POLR1A: variants seen among roughly 807,000 people sequenced by gnomAD.
The protein encoded by POLR1A is RNA polymerase I subunit A.
POLR1A carries 84 observed loss-of-function variants against 205.3 expected under a neutral mutation model. That is an observed-to-expected ratio of 0.41 (90% CI 0.34 to 0.49). The LOEUF (loss-of-function observed/expected upper bound fraction) is 0.49, where lower values mean the gene tolerates loss of function less well. Among genes scored for constraint, POLR1A ranks in the 20% least tolerant of loss-of-function variants. POLR1A has a pLI of 0.22. For synonymous variants in POLR1A, 799 were observed against 863.7 expected (o/e 0.93, Z 1.31); for missense variants, 1,645 against 2,204.5 (o/e 0.75, Z 5.08).
At chr2:86,079,531 C>T (rs2104420771) in intron 9 of POLR1A, among the ~76,000 whole-genome samples, 1 of 152,158 alleles carries the variant, frequency 6.6e-6, no homozygotes. Context: ...AGAGGCGAAG[C>T]ATTTGTTTGA....
At chr2:86,043,286 TCAGGGGACC>T (rs1672651389) in intron 22 of POLR1A, 91 bp from the exon 23 acceptor site, 1 of 1,061,066 alleles carries the variant, frequency 9.4e-7, no homozygotes, top group Non-Finnish European at 1.4e-6. Flanking sequence ...GAGCACAAAT[TCAGGGGACC>T]CAGGTGGCTG....
intron 3 of POLR1A, among the ~76,000 whole-genome samples, 199 bp from the exon 4 acceptor site, chr2:86,090,128 TC>T (rs1385296996): frequency 4.6e-5 from 7 of 152,168 alleles, no homozygotes; most frequent in Middle Eastern, 3.4e-3. Flanking sequence ...GCGTGGTGGC[TC>T]ACACCTGTAA....
chr2:86,043,079 C>G lies in POLR1A; in HGVS notation c.3252G>C (p.Leu1084=). 2 of 1,614,180 alleles carry G rather than the reference C, an allele frequency of 1.2e-6. No homozygotes were observed. Among genetic ancestry groups the G allele is most frequent in the Non-Finnish European group, 1.7e-6 (2 of 1,180,026 alleles). ...KWQSKHPNTL[L]RRGAFLSYSQ... ...AATAACTCAAGAAGGCGCCTCTTCT[C>G]AGCAGGGTGTTGGGGTGCTTGCTTT... Residue 1084 remains leucine, a synonymous_variant, in exon 23 of 34, where the codon CTG becomes CTC. Transcript: ENST00000263857.
intron 18 of POLR1A, among the ~76,000 whole-genome samples, chr2:86,047,470 T>C (rs1199275833): frequency 6.6e-6 from 1 of 152,220 alleles, no homozygotes; most frequent in East Asian, 1.9e-4. Flanking sequence ...CTCCCTGCCC[T>C]GCACTCGCTG....
intron 25 of POLR1A, 115 bp downstream of exon 25, chr2:86,040,276 CT>C: frequency 1.2e-6 from 1 of 832,500 alleles, no homozygotes; most frequent in Non-Finnish European, 1.7e-6. Context: ...CTGTCCCTCT[CT>C]CACACAGACA....
intron 24 of POLR1A, among the ~76,000 whole-genome samples, chr2:86,041,190 T>TGTGTGTGTGTGTGTGTGTGCACGCGCGC (rs1212728761): frequency 4.8e-5 from 2 of 41,982 alleles, no homozygotes; most frequent in African/African-American, 1.4e-4. Context: ...TGTGTGTGTG[T>TGTGTGTGTGTGTGTGTGTGCACGCGCGC]GCGCGCTGAG....
At chr2:86,085,942 C>G (rs989961852) in intron 6 of POLR1A, among the ~76,000 whole-genome samples, 1 of 152,172 alleles carries the variant, frequency 6.6e-6, no homozygotes, top group Admixed American at 6.5e-5. Flanking sequence ...TTGTGGGGCT[C>G]AGGGGGGCAC....
Position 86,021,167 on chromosome 2 carries a change from G to A in POLR1A, c.*6256C>T, listed in dbSNP as rs1690127429. 1 of 152,294 alleles carries A rather than the reference G, an allele frequency of 6.6e-6. No individual in the cohort carries two copies. The highest frequency in any genetic ancestry group is 1.5e-5 in the Non-Finnish European group (1 of 68,070). The allele number at this position is 152,294 out of a possible 1,614,324, so 9.4% of individuals were successfully genotyped here. A position where few individuals can be genotyped will look rare whatever the true frequency, so the allele number is the denominator to read the frequency against. ...AAGTGTTTACTGTGGTCCAGCTGAG[G>A]ACTGTGGTGTCTGAAACTTTGTCAC... On this transcript the variant is annotated 3_prime_UTR_variant, in exon 34 of 34. Transcript: ENST00000263857.
chr2:86,053,044 T>A (rs1038457619), intron 15 of POLR1A, 44 bp from the exon 16 acceptor site: 62 of 1,448,440 alleles, frequency 4.3e-5, no homozygotes, highest in Non-Finnish European at 5.5e-5. Context: ...GGGTGATGCC[T>A]CCTGTGGGAG....
At chr2:86,077,256 C>G (rs940345042) in intron 11 of POLR1A, among the ~76,000 whole-genome samples, 4 of 152,164 alleles carry the variant, frequency 2.6e-5, no homozygotes, top group African/African-American at 9.7e-5. Flanking sequence ...GCATGAAGTG[C>G]TAAGGATGTG....
chr2:86,068,550 C>T (rs1343970629), intron 13 of POLR1A, among the ~76,000 whole-genome samples: 4 of 152,202 alleles, frequency 2.6e-5, no homozygotes, highest in Non-Finnish European at 5.9e-5. Flanking sequence ...AGGCCTGTGA[C>T]CCACTTAATA....
chr2:86,078,067 T>C, intron 10 of POLR1A, 47 bp downstream of exon 10: 1 of 1,612,376 alleles, frequency 6.2e-7, no homozygotes, highest in Non-Finnish European at 8.5e-7. Flanking sequence ...ACAATGTTTA[T>C]TATTTATCTT....
intron 12 of POLR1A, among the ~76,000 whole-genome samples, chr2:86,071,502 G>C (rs1384942817): frequency 1.3e-5 from 2 of 152,136 alleles, no homozygotes; most frequent in Admixed American, 6.5e-5. Context: ...AGTATGTGAT[G>C]CTTCTGTAAA....
intron 25 of POLR1A, 115 bp from the exon 26 acceptor site, chr2:86,039,577 C>T: frequency 8.2e-7 from 1 of 1,218,156 alleles, no homozygotes; most frequent in Non-Finnish European, 1.2e-6. Flanking sequence ...GCCTGGGGAT[C>T]TCACAGGGAT....
chr2:86,069,305 G>T (rs1673134732), intron 13 of POLR1A, among the ~76,000 whole-genome samples: 1 of 152,210 alleles, frequency 6.6e-6, no homozygotes, highest in African/African-American at 2.4e-5. Flanking sequence ...TTGGGTGGGT[G>T]GTGAGGGTGA....
chr2:86,056,443 C>T (rs1306478426), intron 14 of POLR1A, among the ~76,000 whole-genome samples: 1 of 148,494 alleles, frequency 6.7e-6, no homozygotes, highest in Non-Finnish European at 1.5e-5. Context: ...CAGAGCGATA[C>T]TCCATCTCAA....
chr2:86,064,501 T>C (rs1220266444), intron 14 of POLR1A, among the ~76,000 whole-genome samples: 1 of 152,236 alleles, frequency 6.6e-6, no homozygotes, highest in Non-Finnish European at 1.5e-5. Context: ...TGAAAAGTCC[T>C]GGGTTTGATC....
At chr2:86,044,902 C>T (rs1391221750) in intron 21 of POLR1A, among the ~76,000 whole-genome samples, 6 of 152,168 alleles carry the variant, frequency 3.9e-5, no homozygotes, top group Admixed American at 3.9e-4. Flanking sequence ...GTGGGCTTCC[C>T]AGCAGTCACT....
chr2:86,061,883 G>A (rs1014803747), intron 14 of POLR1A, among the ~76,000 whole-genome samples: 2 of 152,154 alleles, frequency 1.3e-5, no homozygotes, highest in Admixed American at 6.5e-5. Flanking sequence ...CTGGTGATAT[G>A]CTACTTTCTG....
Sources: allele counts gnomAD v4.1 joint callset (sites outside exome capture counted in the v4.1 genomes callset), GRCh38; gene constraint gnomAD v4.1.1; transcripts MANE v1.5; gene names NCBI Gene and HGNC (gene_info 2026-07-23, HGNC 2026-07-21).